NPAS3: variants seen among roughly 807,000 people sequenced by gnomAD.
NPAS3 encodes neuronal PAS domain-containing protein 3.
NPAS3 carries 14 observed loss-of-function variants against 73.1 expected under a neutral mutation model. The observed-to-expected ratio is 0.19, with a 90% CI of 0.13 to 0.30. NPAS3 has a LOEUF of 0.30. Among genes scored for constraint, NPAS3 ranks in the 10% least tolerant of loss-of-function variants. The pLI, the probability that NPAS3 is intolerant of heterozygous loss-of-function variation, is 1.00. For synonymous variants in NPAS3, 620 were observed against 541.5 expected, an observed-to-expected ratio of 1.14 and a Z score of -2.01; for missense variants, 1,096 against 1,250.0, an observed-to-expected ratio of 0.88 and a Z score of 1.86.
chr14:33,097,155 A>T (rs2042445384), intron 2 of NPAS3, among the ~76,000 whole-genome samples: 1 of 152,066 alleles, frequency 6.6e-6, no homozygotes, highest in Non-Finnish European at 1.5e-5. Context: ...ATGCAGGAGG[A>T]TCGCCTGAGC....
chr14:33,265,881 T>A (rs1238853660), intron 3 of NPAS3, among the ~76,000 whole-genome samples: 2 of 152,058 alleles, frequency 1.3e-5, no homozygotes, highest in Admixed American at 1.3e-4. Flanking sequence ...CCTTTATTAG[T>A]GGCACTTTAA....
At chr14:33,225,819 G>A (rs1594444642) in intron 3 of NPAS3, among the ~76,000 whole-genome samples, 2 of 152,252 alleles carry the variant, frequency 1.3e-5, no homozygotes, top group South Asian at 2.1e-4. Flanking sequence ...ACTGGAGGTG[G>A]ACTTAGGTAC....
intron 4 of NPAS3, among the ~76,000 whole-genome samples, chr14:33,461,023 C>T (rs2050240558): frequency 6.6e-6 from 1 of 152,178 alleles, no homozygotes; most frequent in African/African-American, 2.4e-5. Context: ...ATCAACGATT[C>T]TACAAGGGTA....
At chr14:33,296,320 A>G (rs1458201823) in intron 3 of NPAS3, among the ~76,000 whole-genome samples, 5 of 152,210 alleles carry the variant, frequency 3.3e-5, no homozygotes, top group African/African-American at 1.2e-4. Flanking sequence ...GTATGTGTAC[A>G]TGTACACACA....
At chr14:33,165,824 T>C (rs2045116653) in intron 2 of NPAS3, among the ~76,000 whole-genome samples, 1 of 152,166 alleles carries the variant, frequency 6.6e-6, no homozygotes, top group Admixed American at 6.5e-5. Flanking sequence ...AGCAAACTTA[T>C]TCAGCCTAGG....
At chr14:33,538,976 G>T (rs1395687090) in intron 4 of NPAS3, among the ~76,000 whole-genome samples, 2 of 152,106 alleles carry the variant, frequency 1.3e-5, no homozygotes, top group Admixed American at 1.3e-4. Flanking sequence ...ATTTGCTTTT[G>T]AGTTGTTTAC....
chr14:33,410,166 T>G (rs1482288255), intron 4 of NPAS3, among the ~76,000 whole-genome samples: 1 of 152,166 alleles, frequency 6.6e-6, no homozygotes, highest in African/African-American at 2.4e-5. Context: ...AAATAGAATC[T>G]CTTGAAAGAG....
At chr14:33,562,348 G>A (rs1006758231) in intron 5 of NPAS3, among the ~76,000 whole-genome samples, 2 of 152,164 alleles carry the variant, frequency 1.3e-5, no homozygotes, top group Non-Finnish European at 2.9e-5. Flanking sequence ...TTTAAAGCAC[G>A]TACCAGTAGT....
At chr14:33,388,483 T>C (rs1482905752) in intron 4 of NPAS3, among the ~76,000 whole-genome samples, 1 of 151,060 alleles carries the variant, frequency 6.6e-6, no homozygotes, top group African/African-American at 2.4e-5. Flanking sequence ...GATTGGGATT[T>C]CTGTGGCAGG....
chr14:33,024,170 G>GTGTGTA (rs546856024), intron 1 of NPAS3, among the ~76,000 whole-genome samples: 172 of 139,578 alleles, frequency 1.2e-3, no homozygotes, highest in Admixed American at 3.3e-3. Flanking sequence ...GTGTGTGTGT[G>GTGTGTA]TATGTATATT....
chr14:33,574,443 C>T (rs947318901), intron 5 of NPAS3, among the ~76,000 whole-genome samples: 2 of 152,066 alleles, frequency 1.3e-5, no homozygotes, highest in Admixed American at 6.6e-5. Flanking sequence ...GAAAGATTTC[C>T]GTGATTTGAC....
intron 2 of NPAS3, among the ~76,000 whole-genome samples, chr14:33,184,057 G>A (rs1277999102): frequency 6.6e-6 from 1 of 152,022 alleles, no homozygotes; most frequent in African/African-American, 2.4e-5. Flanking sequence ...TTTCTCCTTC[G>A]TAGCATGGCA....
intron 5 of NPAS3, among the ~76,000 whole-genome samples, chr14:33,569,675 A>T (rs1461001457): frequency 6.6e-6 from 1 of 152,132 alleles, no homozygotes; most frequent in African/African-American, 2.4e-5. Context: ...GAACATGCAG[A>T]TAGAGGATGG....
chr14:33,784,745 A>ATTTATTTATTTTTTTTTTTT (rs1471526546), intron 9 of NPAS3, among the ~76,000 whole-genome samples: 11 of 73,830 alleles, frequency 1.5e-4, no homozygotes, highest in African/African-American at 6.9e-4. Context: ...TTATTTATTT[A>ATTTATTTATTTTTTTTTTTT]TTTTTTTTTT....
intron 1 of NPAS3, among the ~76,000 whole-genome samples, chr14:33,049,199 A>G (rs1429912328): frequency 1.3e-5 from 2 of 152,244 alleles, no homozygotes; most frequent in Non-Finnish European, 2.9e-5. Flanking sequence ...GTGAATTCAT[A>G]GTTATAATGG....
intron 4 of NPAS3, among the ~76,000 whole-genome samples, chr14:33,406,439 C>T (rs1566873803): frequency 6.6e-6 from 1 of 152,030 alleles, no homozygotes; most frequent in Non-Finnish European, 1.5e-5. Flanking sequence ...AATCTGTTGG[C>T]CATGGAGGGT....
chr14:33,616,452 GAGA>G (rs1397144244), intron 5 of NPAS3, among the ~76,000 whole-genome samples: 1 of 152,194 alleles, frequency 6.6e-6, no homozygotes, highest in African/African-American at 2.4e-5. Flanking sequence ...AGGGGAAGAG[GAGA>G]AGGTGAGATC....
intron 1 of NPAS3, among the ~76,000 whole-genome samples, chr14:32,965,875 AAAAT>A (rs1483911746): frequency 1.3e-5 from 2 of 152,222 alleles, no homozygotes; most frequent in African/African-American, 4.8e-5. Context: ...TGCAGGATAT[AAAAT>A]CAATATACAA....
chr14:33,576,871 T>C (rs1264872198), intron 5 of NPAS3, among the ~76,000 whole-genome samples: 1 of 152,212 alleles, frequency 6.6e-6, no homozygotes, highest in Non-Finnish European at 1.5e-5. Context: ...CTCAGAGGAA[T>C]TTCAGCAGAA....
Sources: gnomAD v4.1 joint callset for allele counts (sites outside exome capture counted in the v4.1 genomes callset) on GRCh38, gnomAD v4.1.1 for gene constraint, MANE v1.5 for transcripts, NCBI Gene and HGNC (gene_info 2026-07-23, HGNC 2026-07-21) for gene names.